ZNF292: variants seen among roughly 807,000 people sequenced by gnomAD.
ZNF292 encodes zinc finger protein 292.
Under a neutral mutation model 217.9 loss-of-function variants are expected in ZNF292, and 26 were observed. The observed-to-expected ratio is 0.12, with a 90% confidence interval of 0.09 to 0.17. The LOEUF (loss-of-function observed/expected upper bound fraction) is 0.17. ZNF292 is among the 10% of genes least tolerant of loss of function. The pLI, the probability that ZNF292 is intolerant of heterozygous loss-of-function variation, is 1.00. For missense variants in ZNF292, 2,904 were observed against 3,175.2 expected (o/e 0.91, Z 2.05); for synonymous variants, 1,257 against 1,124.1 (o/e 1.12, Z -2.37).
intron 1 of ZNF292, among the ~76,000 whole-genome samples, chr6:87,188,039 A>T (rs564886486): frequency 6.4e-4 from 97 of 152,316 alleles, no homozygotes; most frequent in Non-Finnish European, 1.1e-3. Flanking sequence ...CAATTTTGAA[A>T]TATTGGCAAT....
chr6:87,173,247 T>C (rs755193835), intron 1 of ZNF292: 15 of 152,240 alleles, frequency 9.9e-5, no homozygotes, highest in Non-Finnish European at 2.1e-4. Context: ...TTCCCTGTTT[T>C]GTAAACTGCT....
chr6:87,256,549 G>T lies in ZNF292; in HGVS notation c.2920G>T (p.Val974Phe). The T allele has an allele frequency of 1.2e-6, 2 of 1,613,482 alleles. No individual in the cohort carries two copies. The highest frequency in any genetic ancestry group is 1.7e-6 in the Non-Finnish European group (2 of 1,179,824). ...ACTGGTCACAGACTTACATACGCCA[G>T]TTGAAGATACTTGTAATGATTTGTG... ...EALVTDLHTP[V>F]EDTCNDLCHP... The change falls in exon 8 of 8, where the codon GTT (valine) becomes TTT (phenylalanine). Residue 974 changes from valine to phenylalanine, a missense_variant. Physicochemically the swap from Val to Phe is conservative, Grantham distance 50. Around this residue, in one of 15 missense-constraint regions of ZNF292, gnomAD observed 687 missense variants for 623.0 expected, o/e 1.10. Coordinates refer to ENST00000369577, the MANE Select transcript of ZNF292 (RefSeq NM_015021.3).
chr6:87,251,581 C>T (rs1364479232), intron 7 of ZNF292, among the ~76,000 whole-genome samples: 1 of 152,146 alleles, frequency 6.6e-6, no homozygotes, highest in South Asian at 2.1e-4. Context: ...TCAATTTAAG[C>T]TTGTGCTATT....
intron 1 of ZNF292, among the ~76,000 whole-genome samples, chr6:87,172,086 C>T (rs937237309): frequency 6.6e-6 from 1 of 152,138 alleles, no homozygotes; most frequent in African/African-American, 2.4e-5. Flanking sequence ...AGCACAATTA[C>T]TAATTTTCTA....
At chr6:87,219,361 T>C (rs928878755) in intron 4 of ZNF292, among the ~76,000 whole-genome samples, 2 of 152,206 alleles carry the variant, frequency 1.3e-5, no homozygotes, top group African/African-American at 4.8e-5. Context: ...CACCCTAACC[T>C]TTCCCAAGGT....
chr6:87,197,425 T>G (rs931639063), intron 1 of ZNF292, among the ~76,000 whole-genome samples: 1 of 151,524 alleles, frequency 6.6e-6, no homozygotes, highest in South Asian at 2.1e-4. Flanking sequence ...ATTTGGGTTT[T>G]TTTTTTTTTT....
At position 87,180,564 on chromosome 6, in the gene ZNF292, T is replaced by A. The variant is rs1318170551; in HGVS notation, c.168+24805T>A. 2.6e-5 allele frequency among the ~76,000 whole-genome samples: 4 copies of A among 152,332 alleles called. No homozygotes were observed. In the East Asian group the frequency reaches 7.7e-4, roughly 29 times the overall value. On this transcript the variant is annotated intron_variant, in intron 1 of 7. Transcript: ENST00000369577. ...GAGAGCCAGCTGCCAATATTCCAAC[T>A]TCCCCTGCATGTCTACTTACACTCA...
chr6:87,248,859 G>C (rs1343159150), intron 7 of ZNF292, among the ~76,000 whole-genome samples: 1 of 152,210 alleles, frequency 6.6e-6, no homozygotes, highest in Non-Finnish European at 1.5e-5. Context: ...ACCATGGTGG[G>C]CCAGAGGATG....
chr6:87,209,627 G>A (rs1772398546), intron 1 of ZNF292, among the ~76,000 whole-genome samples: 1 of 152,142 alleles, frequency 6.6e-6, no homozygotes. Flanking sequence ...GGAGAAACCT[G>A]CTCTTTTCTC....
chr6:87,231,186 AGT>A (rs1773635772), intron 4 of ZNF292, among the ~76,000 whole-genome samples: 1 of 152,208 alleles, frequency 6.6e-6, no homozygotes, highest in Non-Finnish European at 1.5e-5. Flanking sequence ...GACTGAATTG[AGT>A]GTAAACCACT....
Position 87,265,240 on chromosome 6 carries a change from C to T in ZNF292, c.*3439C>T, listed in dbSNP as rs889545451. 1.3e-5 allele frequency among the ~76,000 whole-genome samples: 2 copies of T among 151,926 alleles called. No individual in the cohort carries two copies. Among genetic ancestry groups the T allele is most frequent in the Non-Finnish European group, 2.9e-5 (2 of 67,970 alleles). ...AGTGATTCTCCTGCCTCAGCCTCCC[C>T]AGTAGCTGGGACTACAGATGCATGC... is the stretch of plus-strand genomic sequence containing the variant. On this transcript the variant is annotated 3_prime_UTR_variant, in exon 8 of 8. Coordinates refer to ENST00000369577, the MANE Select transcript of ZNF292 (RefSeq NM_015021.3).
At chr6:87,163,258 TGG>T (rs1309468420) in intron 1 of ZNF292, among the ~76,000 whole-genome samples, 1 of 152,162 alleles carries the variant, frequency 6.6e-6, no homozygotes, top group Non-Finnish European at 1.5e-5. Flanking sequence ...GAGACCATCC[TGG>T]CTAACATGGT....
intron 1 of ZNF292, among the ~76,000 whole-genome samples, chr6:87,156,591 CCT>C (rs1050262341): frequency 6.6e-6 from 1 of 152,220 alleles, no homozygotes; most frequent in Non-Finnish European, 1.5e-5. Flanking sequence ...CCCCCTCACC[CCT>C]GTTTCTTGGA....
chr6:87,209,367 A>C (rs1772387580), intron 1 of ZNF292, among the ~76,000 whole-genome samples: 1 of 152,174 alleles, frequency 6.6e-6, no homozygotes, highest in Admixed American at 6.5e-5. Flanking sequence ...AGTTTCAGTG[A>C]GGTTTGGGGA....
In ZNF292 at chr6:87,259,088, C is replaced by G; in HGVS notation, c.5459C>G (p.Pro1820Arg). 1 of 1,612,906 alleles carries G rather than the reference C, an allele frequency of 6.2e-7. No homozygotes were observed. The highest frequency in any genetic ancestry group is 8.5e-7 in the Non-Finnish European group (1 of 1,179,526). Residue 1820 changes from proline (P) to arginine (R), a missense_variant, in exon 8 of 8, where the codon CCA becomes CGA. Physicochemically the swap from Pro to Arg is moderately radical, Grantham distance 103. Transcript: ENST00000369577. Reference sequence around the variant, plus strand: ...TTTTCCTCCTTTATAAGTGTCATGCCAACAAAAAGTAACATTCCTCAGTCT... The same window carrying G: ...TTTTCCTCCTTTATAAGTGTCATGCGAACAAAAAGTAACATTCCTCAGTCT... Reference protein sequence around the residue: ...SPFSSFISVMPTKSNIPQSEV... With the variant: ...SPFSSFISVMRTKSNIPQSEV...
chr6:87,174,155 G>C (rs2127774590), intron 1 of ZNF292: 1 of 156,122 alleles, frequency 6.4e-6, no homozygotes, highest in East Asian at 1.9e-4. Flanking sequence ...TAAGGTAGCA[G>C]AGTGATGTGC....
At chr6:87,198,714 C>T (rs933312979) in intron 1 of ZNF292, among the ~76,000 whole-genome samples, 5 of 152,034 alleles carry the variant, frequency 3.3e-5, no homozygotes, top group African/African-American at 9.7e-5. Context: ...AAATGTTCTT[C>T]GTTCAAAAAA....
At chr6:87,243,643 T>C (rs775451944) in intron 6 of ZNF292, 32 bp downstream of exon 6, 12 of 1,441,800 alleles carry the variant, frequency 8.3e-6, no homozygotes, top group Non-Finnish European at 1.1e-5. Context: ...TAAAGAAATA[T>C]TTGTTAAATA....
At chr6:87,238,633 GTA>G (rs1218276578) in intron 5 of ZNF292, among the ~76,000 whole-genome samples, 2 of 103,766 alleles carry the variant, frequency 1.9e-5, no homozygotes, top group African/African-American at 8.1e-5. Context: ...TTTTCAGTAA[GTA>G]TTTATTTTTT....
Sources: allele counts gnomAD v4.1 joint callset (sites outside exome capture counted in the v4.1 genomes callset), GRCh38; gene constraint gnomAD v4.1.1; regional missense constraint gnomAD v4.1.1; transcripts MANE v1.5; gene names NCBI Gene and HGNC (gene_info 2026-07-23, HGNC 2026-07-21).